PEX14: variants seen among roughly 807,000 people sequenced by gnomAD.
The protein encoded by PEX14 is peroxisomal biogenesis factor 14.
Under a neutral mutation model 49.5 loss-of-function variants are expected in PEX14, and 15 were observed. The observed-to-expected ratio is 0.30, with a 90% CI of 0.20 to 0.47. The LOEUF (loss-of-function observed/expected upper bound fraction) is 0.47. PEX14 is among the 20% of genes least tolerant of loss of function. The pLI is 1.00. For synonymous variants in PEX14, 210 were observed against 212.7 expected (o/e 0.99, Z 0.11); for missense variants, 398 against 494.8 (o/e 0.80, Z 1.86).
chr1:10,535,936 G>T, intron 2 of PEX14: 4 of 429,682 alleles, frequency 9.3e-6, no homozygotes, highest in South Asian at 2.1e-5. Flanking sequence ...GAATCAGCTC[G>T]AATGGAGATC....
chr1:10,564,320 T>A (rs566219787), intron 3 of PEX14, among the ~76,000 whole-genome samples: 1 of 152,216 alleles, frequency 6.6e-6, no homozygotes, highest in South Asian at 2.1e-4. Context: ...TCTTTACTGA[T>A]CTTTCAGTTT....
At chr1:10,559,743 T>C (rs1639596292) in intron 3 of PEX14, among the ~76,000 whole-genome samples, 1 of 152,216 alleles carries the variant, frequency 6.6e-6, no homozygotes, top group African/African-American at 2.4e-5. Flanking sequence ...AACTAGAGAC[T>C]TCTCTTCTCT....
chr1:10,571,368 C>T (rs1485595011), intron 3 of PEX14, among the ~76,000 whole-genome samples: 1 of 134,588 alleles, frequency 7.4e-6, no homozygotes, highest in Non-Finnish European at 1.5e-5. Flanking sequence ...ATGGTATTTA[C>T]CAGGGGGTGG....
intron 3 of PEX14, among the ~76,000 whole-genome samples, chr1:10,575,809 A>T (rs1640102239): frequency 1.3e-5 from 2 of 152,260 alleles, no homozygotes; most frequent in South Asian, 4.2e-4. Flanking sequence ...GGAAGTGTTG[A>T]CTCATAGGAT....
At chr1:10,577,574 T>A (rs1477875161) in intron 3 of PEX14, among the ~76,000 whole-genome samples, 276 of 7,350 alleles carry the variant, frequency 0.038, 19 homozygotes, top group Non-Finnish European at 0.047. Context: ...TTTTTTTTTT[T>A]TTTTTTTTTT....
At chr1:10,563,782 G>T (rs1376276672) in intron 3 of PEX14, among the ~76,000 whole-genome samples, 3 of 151,604 alleles carry the variant, frequency 2.0e-5, no homozygotes, top group Non-Finnish European at 2.9e-5. Context: ...CATGGTGGCG[G>T]GTGCCTGTAG....
chr1:10,516,228 C>G (rs578165302), intron 2 of PEX14, among the ~76,000 whole-genome samples: 22 of 152,318 alleles, frequency 1.4e-4, no homozygotes, highest in Non-Finnish European at 2.6e-4. Flanking sequence ...AATGCTAATG[C>G]TGTTCTCTGG....
intron 3 of PEX14, among the ~76,000 whole-genome samples, chr1:10,594,406 G>A (rs999452823): frequency 3.3e-5 from 5 of 152,166 alleles, no homozygotes; most frequent in Non-Finnish European, 5.9e-5. Flanking sequence ...GCTGCAGAGC[G>A]GGGAGGAAGA....
chr1:10,499,537 C>G (rs997192817), intron 2 of PEX14, among the ~76,000 whole-genome samples: 1 of 149,886 alleles, frequency 6.7e-6, no homozygotes, highest in African/African-American at 2.5e-5. Flanking sequence ...CATCCTCCAC[C>G]TCCCGGGTTC....
chr1:10,606,523 T>G (rs1400710300), intron 4 of PEX14, among the ~76,000 whole-genome samples: 1 of 146,028 alleles, frequency 6.8e-6, no homozygotes, highest in African/African-American at 2.7e-5. Context: ...ATACTGGGTT[T>G]AGGATAATGG....
intron 2 of PEX14, among the ~76,000 whole-genome samples, chr1:10,499,575 A>G (rs1641631683): frequency 6.6e-6 from 1 of 151,112 alleles, no homozygotes; most frequent in South Asian, 2.1e-4. Context: ...CAGCCTCCAG[A>G]GTAGCTGGGA....
chr1:10,490,139 G>A (rs902737419), intron 1 of PEX14, among the ~76,000 whole-genome samples: 4 of 152,194 alleles, frequency 2.6e-5, no homozygotes, highest in Admixed American at 6.5e-5. Context: ...GAGAGGTTGA[G>A]CAGCGTGCCC....
intron 2 of PEX14, among the ~76,000 whole-genome samples, chr1:10,497,551 C>T (rs1641591925): frequency 2.0e-5 from 3 of 151,640 alleles, no homozygotes; most frequent in Admixed American, 1.3e-4. Context: ...GGCATTTATA[C>T]ATATGAAATA....
At chr1:10,572,827 C>T (rs1410857520) in intron 3 of PEX14, among the ~76,000 whole-genome samples, 4 of 152,146 alleles carry the variant, frequency 2.6e-5, no homozygotes, top group African/African-American at 9.7e-5. Flanking sequence ...TGAGCTACCG[C>T]GCCTGGCCAG....
rs2124399640 is a variant in PEX14, at chr1:10,494,134, G to A, written c.37-1140G>A. On this transcript the variant is annotated intron_variant, in intron 1 of 8. Transcript: ENST00000356607. The surrounding 1 kb of genome is among the most constrained non-coding windows in gnomAD (Gnocchi z 4.3). ...TGGGGTGGTGAGGCTCTTGGGACAG[G>A]ACTTCGGATGGAGGGATAGAGGCCT... 6.6e-6 allele frequency among the ~76,000 whole-genome samples: 1 copy of A among 152,334 alleles called. No individual in the cohort carries two copies. Among genetic ancestry groups the A allele is most frequent in the East Asian group, 1.9e-4 (1 of 5,174 alleles).
intron 2 of PEX14, among the ~76,000 whole-genome samples, chr1:10,520,148 C>CTTTGTTTTTTTTTTTT (rs1638232507): frequency 1.4e-5 from 1 of 69,162 alleles, no homozygotes. Flanking sequence ...CCTTCTTCTT[C>CTTTGTTTTTTTTTTTT]TTTTTTTTTT....
chr1:10,508,444 G>C (rs531390176), intron 2 of PEX14, among the ~76,000 whole-genome samples: 1 of 152,090 alleles, frequency 6.6e-6, no homozygotes, highest in Non-Finnish European at 1.5e-5. Flanking sequence ...CCTGACCTCG[G>C]CCTCCCAAAG....
intron 4 of PEX14, among the ~76,000 whole-genome samples, chr1:10,600,667 G>A (rs1046949792): frequency 2.0e-5 from 3 of 151,870 alleles, no homozygotes; most frequent in Admixed American, 6.6e-5. Flanking sequence ...GCAGTGAGCC[G>A]AGATCACGCC....
intron 2 of PEX14, among the ~76,000 whole-genome samples, chr1:10,527,873 G>C (rs891587180): frequency 6.6e-6 from 1 of 152,162 alleles, no homozygotes; most frequent in Non-Finnish European, 1.5e-5. Flanking sequence ...GTTTCGCCAT[G>C]TTGGCCAGGC....
Sources: allele counts gnomAD v4.1 joint callset (sites outside exome capture counted in the v4.1 genomes callset), GRCh38; gene constraint gnomAD v4.1.1; non-coding constraint Gnocchi (gnomAD v3.1); transcripts MANE v1.5; gene names NCBI Gene and HGNC (gene_info 2026-07-23, HGNC 2026-07-21).